ZBTB20: variants seen among roughly 807,000 people sequenced by gnomAD.
ZBTB20 encodes the protein zinc finger and BTB domain-containing protein 20.
In ZBTB20, 9 loss-of-function variants were observed where a neutral mutation model predicts 56.9. That is an observed-to-expected ratio of 0.16 (90% confidence interval 0.10 to 0.28). ZBTB20 has a LOEUF of 0.28. Among genes scored for constraint, ZBTB20 ranks in the 10% least tolerant of loss-of-function variants. ZBTB20 has a pLI of 1.00. For synonymous variants in ZBTB20, 417 were observed against 420.7 expected, an observed-to-expected ratio of 0.99 and a Z score of 0.11; for missense variants, 655 against 1,003.0, an observed-to-expected ratio of 0.65 and a Z score of 4.69.
chr3:114,727,779 G>C (rs2065417871), intron 5 of ZBTB20, among the ~76,000 whole-genome samples: 1 of 152,076 alleles, frequency 6.6e-6, no homozygotes, highest in South Asian at 2.1e-4. Flanking sequence ...ACAGGAGCTT[G>C]TTTATTTTCT....
chr3:114,951,125 A>G (rs1423815048), intron 3 of ZBTB20, among the ~76,000 whole-genome samples: 1 of 152,074 alleles, frequency 6.6e-6, no homozygotes, highest in African/African-American at 2.4e-5. Context: ...CTTTGTGAAA[A>G]TTCACTTACC....
At chr3:115,119,546 C>T (rs2084120905) in intron 1 of ZBTB20, among the ~76,000 whole-genome samples, 1 of 152,056 alleles carries the variant, frequency 6.6e-6, no homozygotes, top group East Asian at 1.9e-4. Context: ...ATCCAAGGTG[C>T]CACAACTCAT....
At chr3:114,978,339 A>G (rs745630156) in intron 2 of ZBTB20, among the ~76,000 whole-genome samples, 1 of 149,422 alleles carries the variant, frequency 6.7e-6, no homozygotes, top group Non-Finnish European at 1.5e-5. Context: ...TAATACCTAT[A>G]AGTAATAAGG....
At chr3:114,397,530 A>G (rs1559735557) in intron 7 of ZBTB20, among the ~76,000 whole-genome samples, 1 of 151,234 alleles carries the variant, frequency 6.6e-6, no homozygotes. Context: ...TGTAGCTGAT[A>G]GCATATCAAT....
intron 7 of ZBTB20, among the ~76,000 whole-genome samples, chr3:114,440,444 A>G (rs1164753262): frequency 1.3e-5 from 2 of 152,216 alleles, no homozygotes; most frequent in Non-Finnish European, 2.9e-5. Context: ...AATAATGGGT[A>G]ATGTAATTTT....
At chr3:114,980,698 A>G (rs1439474387) in intron 2 of ZBTB20, among the ~76,000 whole-genome samples, 1 of 151,950 alleles carries the variant, frequency 6.6e-6, no homozygotes, top group East Asian at 1.9e-4. Context: ...TATAATTATG[A>G]AACTATAAAA....
intron 2 of ZBTB20, among the ~76,000 whole-genome samples, chr3:115,052,554 A>G (rs2081593372): frequency 6.6e-6 from 1 of 152,172 alleles, no homozygotes; most frequent in Non-Finnish European, 1.5e-5. Flanking sequence ...GCACTAATAA[A>G]TGGAAATTCG....
At chr3:114,589,924 T>C (rs1042627969) in intron 6 of ZBTB20, among the ~76,000 whole-genome samples, 9 of 152,170 alleles carry the variant, frequency 5.9e-5, no homozygotes, top group African/African-American at 2.2e-4. Context: ...TCCCCTTATT[T>C]CATAGCAAAT....
At chr3:114,979,053 C>G (rs554647376) in intron 2 of ZBTB20, among the ~76,000 whole-genome samples, 1 of 151,382 alleles carries the variant, frequency 6.6e-6, no homozygotes, top group Admixed American at 6.6e-5. Context: ...AAGAGAACAA[C>G]AAAGAAAGAA....
chr3:114,727,497 C>T (rs2065393874), intron 5 of ZBTB20, among the ~76,000 whole-genome samples: 1 of 152,232 alleles, frequency 6.6e-6, no homozygotes. Flanking sequence ...TAAGCATCTC[C>T]ACCTTCTGCT....
chr3:114,485,644 T>C (rs1336827017), intron 7 of ZBTB20, among the ~76,000 whole-genome samples: 1 of 152,198 alleles, frequency 6.6e-6, no homozygotes, highest in Non-Finnish European at 1.5e-5. Context: ...TGTGATAGTA[T>C]TAAGAGGTGG....
intron 3 of ZBTB20, among the ~76,000 whole-genome samples, chr3:114,919,950 T>C (rs999571776): frequency 6.6e-6 from 1 of 152,152 alleles, no homozygotes; most frequent in Non-Finnish European, 1.5e-5. Context: ...ATTCAAATGA[T>C]AACCAAAAGA....
At chr3:114,812,879 C>T (rs986901099) in intron 4 of ZBTB20, among the ~76,000 whole-genome samples, 4 of 151,938 alleles carry the variant, frequency 2.6e-5, no homozygotes, top group African/African-American at 9.7e-5. Flanking sequence ...AAATTGAGCA[C>T]AGCAGCTGCT....
rs933796005 is a variant in ZBTB20, at chr3:114,339,121, G to C, written c.2110C>G (p.Pro704Ala). 6.2e-7 allele frequency: 1 copy of C among 1,610,698 alleles called. No homozygotes were observed. The highest frequency in any genetic ancestry group is 8.5e-7 in the Non-Finnish European group (1 of 1,177,882). The part of the protein sequence containing the change: ...GTPPGARAGP[P>A]GVVACTEGTT... ...CCCTCCGTGCAGGCCACCACGCCTG[G>C]GGGGCCAGCGCGGGCACCTGGGGGT... The change falls in exon 12 of 12, where the codon CCA becomes GCA. Residue 704 changes from proline to alanine, a missense_variant. Pro to Ala is a conservative substitution (Grantham distance 27). Coordinates refer to ENST00000675478, the MANE Select transcript of ZBTB20 (RefSeq NM_001348800.3). This position sits in a 1 kb window ranked among gnomAD's most constrained non-coding sequence, Gnocchi z 4.2.
intron 6 of ZBTB20, among the ~76,000 whole-genome samples, chr3:114,653,503 T>A (rs985685496): frequency 3.9e-5 from 6 of 151,980 alleles, no homozygotes; most frequent in Admixed American, 2.0e-4. Context: ...TTTTTACTTT[T>A]TATTGTTGAA....
intron 5 of ZBTB20, among the ~76,000 whole-genome samples, chr3:114,783,646 T>A (rs996803943): frequency 6.6e-6 from 1 of 151,696 alleles, no homozygotes; most frequent in Non-Finnish European, 1.5e-5. Context: ...ATAGAAAAAT[T>A]AGCTGGGCTG....
At chr3:114,869,233 T>G (rs1295674923) in intron 4 of ZBTB20, among the ~76,000 whole-genome samples, 1 of 152,182 alleles carries the variant, frequency 6.6e-6, no homozygotes, top group Non-Finnish European at 1.5e-5. Context: ...CCTTAGAAGC[T>G]CGCTCAAAAT....
chr3:114,631,589 C>T (rs375529487), intron 6 of ZBTB20, among the ~76,000 whole-genome samples: 7 of 151,722 alleles, frequency 4.6e-5, no homozygotes, highest in African/African-American at 1.7e-4. Context: ...GACAGGGTTT[C>T]ACCATATTGG....
chr3:114,641,666 T>C (rs1007882613), intron 6 of ZBTB20, among the ~76,000 whole-genome samples: 3 of 151,826 alleles, frequency 2.0e-5, no homozygotes, highest in African/African-American at 4.8e-5. Context: ...GATTCCTAGA[T>C]CTCTATAGAC....
Sources: allele counts gnomAD v4.1 joint callset (sites outside exome capture counted in the v4.1 genomes callset), GRCh38; gene constraint gnomAD v4.1.1; non-coding constraint Gnocchi (gnomAD v3.1); transcripts MANE v1.5; gene names NCBI Gene and HGNC (gene_info 2026-07-23, HGNC 2026-07-21).